The following PDE4D variants were observed in gnomAD, a reference collection of about 807,000 sequenced individuals.
PDE4D encodes phosphodiesterase 4D.
A neutral mutation model predicts 87.4 loss-of-function variants in PDE4D; 24 were observed. The ratio of observed to expected loss-of-function variants is 0.27; its 90% CI spans 0.20 to 0.39. The LOEUF (loss-of-function observed/expected upper bound fraction) is 0.39, where lower values mean the gene tolerates loss of function less well. PDE4D is among the 10% of genes least tolerant of loss of function. The pLI, the probability that PDE4D is intolerant of heterozygous loss-of-function variation, is 1.00. For synonymous variants in PDE4D, 384 were observed against 383.2 expected (o/e 1.00, Z -0.02); for missense variants, 714 against 1,041.0 (o/e 0.69, Z 4.32).
At chr5:59,332,632 C>G (rs1776942213) in intron 1 of PDE4D, among the ~76,000 whole-genome samples, 1 of 152,184 alleles carries the variant, frequency 6.6e-6, no homozygotes, top group Admixed American at 6.5e-5. Flanking sequence ...GATTGGCTAG[C>G]CCACAGTCTT....
chr5:59,524,689 T>C (rs985705869), intron 1 of PDE4D, among the ~76,000 whole-genome samples: 8 of 152,150 alleles, frequency 5.3e-5, no homozygotes, highest in African/African-American at 1.9e-4. Context: ...GCCCCTCCTA[T>C]TACAGGCCTG....
Position 58,977,162 on chromosome 5 carries a change from C to G in PDE4D, c.1707+29G>C, listed in dbSNP as rs150147387. The G allele has an allele frequency of 3.1e-4, 487 of 1,587,468 alleles. 6 individuals are homozygous for G. The East Asian group carries it at 0.01, about 33-fold the overall frequency. On this transcript the variant is annotated intron_variant, in intron 12 of 14. Coordinates refer to ENST00000340635, the MANE Select transcript of PDE4D (RefSeq NM_001104631.2). The stretch of plus-strand genomic sequence containing the variant: ...ATTATAAACAACTTGCATCACAGTT[C>G]TCTTCTTTGGCTTTTATCAGCTACT...
intron 5 of PDE4D, among the ~76,000 whole-genome samples, chr5:59,172,565 A>G (rs766855587): frequency 2.0e-5 from 3 of 150,972 alleles, no homozygotes; most frequent in Non-Finnish European, 2.9e-5. Flanking sequence ...AAAATTATGC[A>G]CACGTGGTGG....
chr5:60,417,719 GAAA>G (rs1048448216), intron 1 of PDE4D, among the ~76,000 whole-genome samples: 1 of 151,482 alleles, frequency 6.6e-6, no homozygotes, highest in Non-Finnish European at 1.5e-5. Flanking sequence ...CCAAGAAGAA[GAAA>G]AAAAACTCTT....
At chr5:60,264,456 G>C (rs1749976059) in intron 1 of PDE4D, among the ~76,000 whole-genome samples, 1 of 152,132 alleles carries the variant, frequency 6.6e-6, no homozygotes, top group Non-Finnish European at 1.5e-5. Flanking sequence ...CAGGCCCCAC[G>C]CTCTCATTGT....
intron 1 of PDE4D, among the ~76,000 whole-genome samples, chr5:59,298,251 G>A (rs1052458956): frequency 2.6e-5 from 4 of 151,644 alleles, no homozygotes; most frequent in Non-Finnish European, 5.9e-5. Context: ...AAGTGGCTGG[G>A]ATTACAGGTA....
At chr5:60,131,651 G>A (rs1779593047) in intron 2 of PDE4D, among the ~76,000 whole-genome samples, 1 of 152,296 alleles carries the variant, frequency 6.6e-6, no homozygotes, top group South Asian at 2.1e-4. Flanking sequence ...AAGCAGAGCT[G>A]ATCAACTGAT....
chr5:59,025,267 A>G (rs1755991570), intron 6 of PDE4D, among the ~76,000 whole-genome samples: 1 of 152,212 alleles, frequency 6.6e-6, no homozygotes, highest in South Asian at 2.1e-4. Flanking sequence ...TACAAAGCCT[A>G]TCATTAATAT....
intron 1 of PDE4D, among the ~76,000 whole-genome samples, chr5:60,295,709 T>C (rs748290324): frequency 6.6e-6 from 1 of 152,154 alleles, no homozygotes; most frequent in Non-Finnish European, 1.5e-5. Context: ...AGGCAGCAAG[T>C]CAGGCACAAA....
At chr5:59,020,845 G>GC (rs1755027191) in intron 6 of PDE4D, among the ~76,000 whole-genome samples, 1 of 152,146 alleles carries the variant, frequency 6.6e-6, no homozygotes, top group African/African-American at 2.4e-5. Context: ...ACCGGCTGTG[G>GC]CTAGCGTCAG....
chr5:60,048,585 T>G (rs994486704), intron 2 of PDE4D, among the ~76,000 whole-genome samples: 5 of 152,128 alleles, frequency 3.3e-5, no homozygotes, highest in Non-Finnish European at 5.9e-5. Context: ...TCTCAGCATT[T>G]GCTTGTCTGT....
chr5:59,891,991 C>G (rs533294575), intron 1 of PDE4D, among the ~76,000 whole-genome samples: 2 of 152,162 alleles, frequency 1.3e-5, no homozygotes, highest in Non-Finnish European at 2.9e-5. Context: ...CGATGCCTGT[C>G]CACATCTAAG....
At chr5:60,325,099 T>A (rs1756663669) in intron 1 of PDE4D, among the ~76,000 whole-genome samples, 1 of 152,198 alleles carries the variant, frequency 6.6e-6, no homozygotes, top group African/African-American at 2.4e-5. Context: ...TATTATATTC[T>A]AAGCCTTAAA....
At chr5:60,442,880 A>C (rs1745354465) in intron 1 of PDE4D, among the ~76,000 whole-genome samples, 1 of 152,122 alleles carries the variant, frequency 6.6e-6, no homozygotes, top group Non-Finnish European at 1.5e-5. Flanking sequence ...TTAATGTTGA[A>C]GCTTTTGTGG....
At chr5:60,175,094 A>C (rs1783796869) in intron 2 of PDE4D, among the ~76,000 whole-genome samples, 1 of 151,618 alleles carries the variant, frequency 6.6e-6, no homozygotes, top group African/African-American at 2.4e-5. Context: ...GAGTTCTTGG[A>C]TGCTCTGTTA....
intron 3 of PDE4D, among the ~76,000 whole-genome samples, chr5:59,903,476 G>T (rs189172060): frequency 1.3e-3 from 193 of 152,226 alleles, no homozygotes; most frequent in Non-Finnish European, 2.5e-3. Flanking sequence ...AAGGGTGAAA[G>T]GGATAAGACA....
chr5:59,843,068 A>C (rs1362326549), intron 1 of PDE4D, among the ~76,000 whole-genome samples: 1 of 151,936 alleles, frequency 6.6e-6, no homozygotes, highest in Non-Finnish European at 1.5e-5. Flanking sequence ...AAAAATATAA[A>C]ATTTATTTAT....
intron 1 of PDE4D, among the ~76,000 whole-genome samples, chr5:60,265,693 C>G (rs893401279): frequency 1.3e-5 from 2 of 152,070 alleles, no homozygotes; most frequent in African/African-American, 4.8e-5. Context: ...TGTTCCACTC[C>G]CACTCTGTAC....
chr5:60,297,362 G>A (rs550619282), intron 1 of PDE4D, among the ~76,000 whole-genome samples: 1 of 152,170 alleles, frequency 6.6e-6, no homozygotes, highest in East Asian at 1.9e-4. Context: ...CAAATATGGA[G>A]AAATATTAAT....
Sources: allele counts gnomAD v4.1 joint callset (sites outside exome capture counted in the v4.1 genomes callset), GRCh38; gene constraint gnomAD v4.1.1; transcripts MANE v1.5; gene names NCBI Gene and HGNC (gene_info 2026-07-23, HGNC 2026-07-21).